Variants in ODF2 observed in about 807,000 individuals in gnomAD.
The protein encoded by ODF2 is outer dense fiber of sperm tails 2, also known as outer dense fiber protein 2.
A neutral mutation model predicts 110.2 loss-of-function variants in ODF2; 47 were observed. The ratio of observed to expected loss-of-function variants is 0.43; its 90% CI spans 0.34 to 0.54. The LOEUF is 0.54. ODF2 is among the 20% of genes least tolerant of loss of function. The probability of loss-of-function intolerance (pLI) is 0.03; values close to 1 mark genes in which losing one functional copy is unlikely to be tolerated. For missense variants in ODF2, 812 were observed against 1,054.5 expected (o/e 0.77, Z 3.19); for synonymous variants, 352 against 397.7 (o/e 0.89, Z 1.37).
At position 128,494,923 on chromosome 9, in the gene ODF2, A is replaced by G. The variant is rs4837274; in HGVS notation, c.1911+255A>G. On this transcript the variant is annotated intron_variant, in intron 17 of 20. Coordinates refer to ENST00000604420, the Ensembl canonical transcript of ODF2. The surrounding 1 kb of genome is among the most constrained non-coding windows in gnomAD (Gnocchi z 4.6). ...GGCCCTCCTGCTGTTGCCCCCACCCAAGACTGCTGCCTCTGCCTGTGTGCT... is the reference window on the plus strand; with the variant it reads ...GGCCCTCCTGCTGTTGCCCCCACCCGAGACTGCTGCCTCTGCCTGTGTGCT... 270,364 of 1,184,762 alleles carry G rather than the reference A, an allele frequency of 0.23. 34,066 individuals are homozygous for G. The highest frequency in any genetic ancestry group is 0.46 in the African/African-American group (29,860 of 65,042). The allele number at this position is 1,184,762 out of a possible 1,614,324, so 73.4% of individuals were successfully genotyped here. A position where few individuals can be genotyped will look rare whatever the true frequency, so the allele number is the denominator to read the frequency against.
intron 18 of ODF2, 30 bp from the exon 19 acceptor site, chr9:128,498,383 C>G: frequency 6.5e-7 from 1 of 1,535,478 alleles, no homozygotes; most frequent in South Asian, 1.3e-5. Context: ...TTGGGGTATG[C>G]CCAGGATCTG....
intron 5 of ODF2, 99 bp downstream of exon 5, chr9:128,469,452 C>T (rs1839157412): frequency 7.9e-7 from 1 of 1,263,672 alleles, no homozygotes; most frequent in Non-Finnish European, 1.1e-6. Flanking sequence ...GTCTGCAGGC[C>T]TTCAGGCCTC....
chr9:128,483,276 G>A (rs1160697690), intron 10 of ODF2, among the ~76,000 whole-genome samples: 1 of 152,128 alleles, frequency 6.6e-6, no homozygotes, highest in East Asian at 1.9e-4. Flanking sequence ...GCCGGGTGCA[G>A]TAGCTCATGT....
At chr9:128,499,044 C>G (rs1202547043) in exon 20 of ODF2, 1 of 1,614,182 alleles carries the variant, frequency 6.2e-7, no homozygotes, top group Non-Finnish European at 8.5e-7. Flanking sequence ...GAGCGAGCAG[C>G]CCAGAACAAA....
At chr9:128,456,577 G>C (rs997586603) in intron 1 of ODF2, 78 of 1,525,104 alleles carry the variant, frequency 5.1e-5, no homozygotes, top group Non-Finnish European at 6.3e-5. Flanking sequence ...CTGCCTGCTG[G>C]TGGGTGGCCG....
At position 128,484,716 on chromosome 9, in the gene ODF2, G is replaced by A. The variant is rs762196301; in HGVS notation, c.1120G>A (p.Gly374Arg). The A allele has an allele frequency of 7.6e-6, 12 of 1,573,560 alleles. No homozygotes were observed. Among genetic ancestry groups the A allele is most frequent in the Admixed American group, 3.8e-5 (2 of 52,880 alleles). The change falls in exon 12 of 21, where the codon GGG becomes AGG. Residue 374 changes from glycine to arginine, a missense_variant. Physicochemically the swap from Gly to Arg is moderately radical, Grantham distance 125 (BLOSUM62 -2). Around this residue, in one of 5 missense-constraint regions of ODF2, gnomAD observed 73 missense variants for 71.0 expected, o/e 1.03. Coordinates refer to ENST00000604420, the Ensembl canonical transcript of ODF2. ...CCCCTTCCAGAATCTGGAGCGCAGC[G>A]GGAATCAGCATAAGGCAGAAGTGGA... is the stretch of plus-strand genomic sequence containing the variant.
chr9:128,456,028 G>A, upstream of ODF2: 1 of 1,444,930 alleles, frequency 6.9e-7, no homozygotes, highest in South Asian at 1.4e-5. Flanking sequence ...GCATCTCTGT[G>A]ACGCTAGGGG....
intron 4 of ODF2, among the ~76,000 whole-genome samples, chr9:128,467,016 TATATATATA>T (rs1838344467): frequency 6.4e-5 from 1 of 15,534 alleles, no homozygotes; most frequent in Admixed American, 1.4e-3. Flanking sequence ...AAAAAAAAAA[TATATATATA>T]TATATATATA....
chr9:128,484,561 A>G, intron 11 of ODF2, 140 bp from the exon 12 acceptor site: 1 of 865,470 alleles, frequency 1.2e-6, no homozygotes. Context: ...CCTCTCACAC[A>G]GCTAAGCACT....
rs71381765 is a variant in ODF2, at chr9:128,497,446, AATATATATATAT to A, written c.2013-938_2013-927del. ...ACTAAAAAAAAAAAAAAAAAAAAAA[AATATATATATAT>A]ATATATATATATATATATATATATA... is the stretch of plus-strand genomic sequence containing the variant. On this transcript the variant is annotated intron_variant, in intron 18 of 20. Transcript: ENST00000604420. 16 of 42,592 alleles carry A rather than the reference AATATATATATAT, an allele frequency of 3.8e-4. 1 individual carries two copies. Among genetic ancestry groups the A allele is most frequent in the African/African-American group, 1.2e-3 (8 of 6,698 alleles). The allele number at this position is 42,592 out of a possible 1,614,324, so 2.6% of individuals were successfully genotyped here. A position where few individuals can be genotyped will look rare whatever the true frequency, so the allele number is the denominator to read the frequency against.
intron 3 of ODF2, chr9:128,460,291 C>T (rs1564454926): frequency 1.4e-6 from 2 of 1,384,592 alleles, no homozygotes; most frequent in East Asian, 3.7e-5. Flanking sequence ...GGGATCTGTT[C>T]TGGAACGGGT....
At chr9:128,460,190 T>A in intron 3 of ODF2, 1 of 1,303,676 alleles carries the variant, frequency 7.7e-7, no homozygotes, top group South Asian at 1.2e-5. Context: ...TCCGCCTGCT[T>A]TCCGCTGTGC....
intron 19 of ODF2, 57 bp from the exon 20 acceptor site, chr9:128,498,943 GC>G: frequency 6.2e-7 from 1 of 1,606,918 alleles, no homozygotes; most frequent in East Asian, 2.2e-5. Context: ...CCTTCTCTTT[GC>G]CAAGTGTTCC....
chr9:128,485,478 C>T lies in ODF2; in HGVS notation c.1400+4C>T, dbSNP rs564439799. The T allele has an allele frequency of 1.7e-5, 25 of 1,489,878 alleles. No homozygotes were observed. The highest frequency in any genetic ancestry group is 6.8e-5 in the South Asian group (6 of 87,810). 92.3% of individuals were successfully genotyped at this position (1,489,878 alleles called of 1,614,324 possible). A position where few individuals can be genotyped will look rare whatever the true frequency, so the allele number is the denominator to read the frequency against. The stretch of plus-strand genomic sequence containing the variant: ...TGGAAATTATTGTCCTGAATGAGTA[C>T]GTCTTAGAGTAGGAGAGGGAATGTG... On this transcript the variant is annotated splice_donor_region_variant and intron_variant, in intron 13 of 20. Coordinates refer to ENST00000604420, the Ensembl canonical transcript of ODF2. The surrounding 1 kb of genome is among the most constrained non-coding windows in gnomAD (Gnocchi z 5.0).
At chr9:128,492,160 C>T (rs7847306) in intron 14 of ODF2, among the ~76,000 whole-genome samples, 43,410 of 151,798 alleles carry the variant, frequency 0.29, 7,261 homozygotes, top group African/African-American at 0.46. Context: ...CCACCGCGCC[C>T]GGCCTGGTTT....
intron 4 of ODF2, among the ~76,000 whole-genome samples, chr9:128,462,524 CT>C (rs1836753548): frequency 6.6e-6 from 1 of 151,994 alleles, no homozygotes; most frequent in Non-Finnish European, 1.5e-5. Context: ...CAGGACTTGT[CT>C]AAACATTGAT....
intron 14 of ODF2, among the ~76,000 whole-genome samples, chr9:128,491,958 C>T (rs530451033): frequency 2.7e-5 from 4 of 147,964 alleles, no homozygotes; most frequent in African/African-American, 5.0e-5. Context: ...GCTCCGCTTT[C>T]GGGTTCATGC....
intron 18 of ODF2, 121 bp from the exon 19 acceptor site, chr9:128,498,292 G>A (rs552330054): frequency 7.2e-7 from 1 of 1,381,080 alleles, no homozygotes; most frequent in Middle Eastern, 2.7e-4. Context: ...TATTCCTGTG[G>A]CTCCTTGGAG....
chr9:128,466,643 C>A (rs941721259), intron 4 of ODF2, among the ~76,000 whole-genome samples: 1 of 116,956 alleles, frequency 8.6e-6, no homozygotes, highest in African/African-American at 4.2e-5. Context: ...TCACACTTTC[C>A]CATATATATA....
Sources: allele counts gnomAD v4.1 joint callset (sites outside exome capture counted in the v4.1 genomes callset), GRCh38; gene constraint gnomAD v4.1.1; regional missense constraint gnomAD v4.1.1; non-coding constraint Gnocchi (gnomAD v3.1); transcripts MANE v1.5; gene names NCBI Gene and HGNC (gene_info 2026-07-23, HGNC 2026-07-21).